ADAM15: variants seen among roughly 807,000 people sequenced by gnomAD.
ADAM15 encodes ADAM metallopeptidase domain 15.
A neutral mutation model predicts 113.8 loss-of-function variants in ADAM15; 77 were observed. The ratio of observed to expected loss-of-function variants is 0.68; its 90% CI spans 0.56 to 0.82. The LOEUF is 0.82. Among genes scored for constraint, ADAM15 ranks in the 40% least tolerant of loss-of-function variants. The probability of loss-of-function intolerance (pLI) is 0.00; values close to 1 mark genes in which losing one functional copy is unlikely to be tolerated. For synonymous variants in ADAM15, 388 were observed against 454.1 expected, an observed-to-expected ratio of 0.85 and a Z score of 1.85; for missense variants, 963 against 1,120.1, an observed-to-expected ratio of 0.86 and a Z score of 2.00.
chr1:155,056,178 C>T lies in ADAM15; in HGVS notation c.843C>T (p.Leu281=), dbSNP rs767457244. ...TCAGCCCAAACCCAGCTGTCACCCT[C>T]GAAAACTTCCTCCACTGGCGCAGGG... The part of the protein sequence containing the change: ...VEISPNPAVT[L]ENFLHWRRAH... The change falls in exon 9 of 23, where the codon CTC becomes CTT. Residue 281 remains leucine, a synonymous_variant. Transcript: ENST00000356955. This position sits in a 1 kb window ranked among gnomAD's most constrained non-coding sequence, Gnocchi z 4.0. 1.4e-5 allele frequency: 22 copies of T among 1,614,076 alleles called. No individual in the cohort carries two copies. Among genetic ancestry groups the T allele is most frequent in the East Asian group, 2.2e-5 (1 of 44,880 alleles).
At chr1:155,055,622 C>T (rs976026644) in intron 6 of ADAM15, 168 bp from the exon 7 acceptor site, 7 of 679,300 alleles carry the variant, frequency 1.0e-5, no homozygotes, top group Admixed American at 9.6e-5. Flanking sequence ...TCCTGGTCCT[C>T]CTTGGCAAGT....
Position 155,052,499 on chromosome 1 carries a change from G to A in ADAM15, c.80-172G>A, listed in dbSNP as rs779486073. 1.1e-4 allele frequency: 172 copies of A among 1,538,672 alleles called. 2 individuals are homozygous for A. The South Asian group carries it at 2.0e-3, about 18-fold the overall frequency. On this transcript the variant is annotated intron_variant, in intron 1 of 22. Coordinates refer to ENST00000356955, the MANE Select transcript of ADAM15 (RefSeq NM_207197.3). ...TGGGTGGAAAGCCATAAATTAGAGA[G>A]ACACCCTCTCCTTCCAGTATTCTTC...
In ADAM15 at chr1:155,058,901, A is replaced by T; in HGVS notation, c.1995+114A>T. On this transcript the variant is annotated intron_variant, in intron 16 of 22. Coordinates refer to ENST00000356955, the MANE Select transcript of ADAM15 (RefSeq NM_207197.3). This position sits in a 1 kb window ranked among gnomAD's most constrained non-coding sequence, Gnocchi z 4.3. ...TTTAATCCTTGCTCTACTACTTCCC[A>T]GTTGTGTGACCTCGGGCAGGTTACT... 1 of 1,359,702 alleles carries T rather than the reference A, an allele frequency of 7.4e-7. No individual in the cohort carries two copies. Among genetic ancestry groups the T allele is most frequent in the Non-Finnish European group, 9.8e-7 (1 of 1,021,168 alleles). 84.2% of individuals were successfully genotyped at this position (1,359,702 alleles called of 1,614,324 possible).
Position 155,061,035 on chromosome 1 carries a change from C to G in ADAM15, c.2277+203C>G, listed in dbSNP as rs1662511423. On this transcript the variant is annotated intron_variant, in intron 19 of 22. Coordinates refer to ENST00000356955, the MANE Select transcript of ADAM15 (RefSeq NM_207197.3). Reference sequence around the variant, plus strand: ...GAGTCCAGAAGAGTGGGGAGGGCAGCCAGCTGGAGCAGGAGCTGCTGGGCT... The same window carrying G: ...GAGTCCAGAAGAGTGGGGAGGGCAGGCAGCTGGAGCAGGAGCTGCTGGGCT... The G allele has an allele frequency of 5.0e-6, 3 of 601,674 alleles. No homozygotes were observed. The East Asian group carries it at 8.4e-5, about 17-fold the overall frequency. 37.3% of individuals were successfully genotyped at this position (601,674 alleles called of 1,614,324 possible).
In ADAM15 at chr1:155,058,306, C is replaced by T. The variant is rs1662074956; in HGVS notation, c.1782C>T (p.Ser594=). The change falls in exon 15 of 23, where the codon TCC becomes TCT. Residue 594 remains serine, a synonymous_variant. Coordinates refer to ENST00000356955, the MANE Select transcript of ADAM15 (RefSeq NM_207197.3). This position sits in a 1 kb window ranked among gnomAD's most constrained non-coding sequence, Gnocchi z 4.3. ...QTGRTQPLLG[S]IRDLLWETID... ...GTAGGACCCAGCCTCTGCTGGGCTC[C>T]ATCCGGGATCTACTCTGGGAGACAA... The T allele has an allele frequency of 6.2e-7, 1 of 1,613,978 alleles. No homozygotes were observed. Among genetic ancestry groups the T allele is most frequent in the African/African-American group, 1.3e-5 (1 of 74,930 alleles).
intron 20 of ADAM15, chr1:155,061,698 T>C: frequency 1.3e-6 from 1 of 765,712 alleles, no homozygotes; most frequent in Non-Finnish European, 2.1e-6. Context: ...ATGGCGGGAC[T>C]GCAGTCGGCC....
At chr1:155,059,488 G>A (rs1662259253) in intron 16 of ADAM15, among the ~76,000 whole-genome samples, 1 of 152,094 alleles carries the variant, frequency 6.6e-6, no homozygotes, top group Admixed American at 6.5e-5. Context: ...AATTATTCAG[G>A]CCTGCTGGTG....
At position 155,062,160 on chromosome 1, in the gene ADAM15, C is replaced by G; in HGVS notation, c.2425-85C>G. On this transcript the variant is annotated intron_variant, in intron 21 of 22. Coordinates refer to ENST00000356955, the MANE Select transcript of ADAM15 (RefSeq NM_207197.3). The surrounding 1 kb of genome is among the most constrained non-coding windows in gnomAD (Gnocchi z 7.0). ...GGTGACCGCTGGTGCTGCCCCCAAG[C>G]TGGTGTTCCCCAGCACCAGTGCGTT... 6.9e-7 allele frequency: 1 copy of G among 1,444,472 alleles called. No individual in the cohort carries two copies. Among genetic ancestry groups the G allele is most frequent in the African/African-American group, 1.4e-5 (1 of 69,654 alleles). 89.5% of individuals were successfully genotyped at this position (1,444,472 alleles called of 1,614,324 possible). A position where few individuals can be genotyped will look rare whatever the true frequency, so the allele number is the denominator to read the frequency against.
chr1:155,053,383 T>A (rs979013168), intron 2 of ADAM15, 34 bp from the exon 3 acceptor site: 2 of 1,606,558 alleles, frequency 1.2e-6, no homozygotes. Context: ...TGTGGACAGG[T>A]CTAGGGAGGT....
Position 155,058,022 on chromosome 1 carries a change from C to G in ADAM15, c.1588C>G (p.Gln530Glu), listed in dbSNP as rs1662033544. 6.2e-7 allele frequency: 1 copy of G among 1,614,012 alleles called. No homozygotes were observed. The highest frequency in any genetic ancestry group is 8.5e-7 in the Non-Finnish European group (1 of 1,180,040). ...MHGRCASYAQ[Q>E]CQSLWGPGAQ... is the part of the protein sequence containing the mutation. ...CGGGCGTTGTGCCTCCTATGCCCAG[C>G]AGTGCCAGTCACTTTGGGGACCTGG... The change falls in exon 14 of 23, where the codon CAG becomes GAG. Residue 530 changes from glutamine to glutamate, a missense_variant. Transcript: ENST00000356955. The surrounding 1 kb of genome is among the most constrained non-coding windows in gnomAD (Gnocchi z 4.3).
rs758580211 is a variant in ADAM15 at position 155,053,467 on chromosome 1, T to G, written c.237T>G (p.Ser79Arg). 92 of 1,614,014 alleles carry G rather than the reference T, an allele frequency of 5.7e-5. No homozygotes were observed. The highest frequency in any genetic ancestry group is 8.0e-5 in the African/African-American group (6 of 74,904). Residue 79 changes from serine (S) to arginine (R), a missense_variant, in exon 3 of 23, where the codon AGT (serine) becomes AGG (arginine). By Grantham distance (110) the Ser-to-Arg change is moderately radical. Coordinates refer to ENST00000356955, the MANE Select transcript of ADAM15 (RefSeq NM_207197.3). Reference sequence around the variant, plus strand: ...TCAAGTTGGAGCTGGACGGTGACAGTCATATCCTGGAGCTGCTACAGAATA... The same window carrying G: ...TCAAGTTGGAGCTGGACGGTGACAGGCATATCCTGGAGCTGCTACAGAATA... The part of the protein sequence containing the change: ...LRIKLELDGD[S>R]HILELLQNRE...
Position 155,061,993 on chromosome 1 carries a change from G to A in ADAM15, c.2424+18G>A. 6.4e-7 allele frequency: 1 copy of A among 1,563,856 alleles called. No individual in the cohort carries two copies. Among genetic ancestry groups the A allele is most frequent in the Non-Finnish European group, 8.7e-7 (1 of 1,151,890 alleles). The stretch of plus-strand genomic sequence containing the variant: ...GCCCGAAGGTAACGGTGGGGGGAGA[G>A]AAGGGCACGGCCTCTCCCCCCACCT... On this transcript the variant is annotated intron_variant, in intron 21 of 22. Transcript: ENST00000356955.
rs780512970 is a variant in ADAM15 at position 155,054,167 on chromosome 1, G to C, written c.360G>C (p.Gln120His). 4 of 1,613,958 alleles carry C rather than the reference G, an allele frequency of 2.5e-6. No homozygotes were observed. The highest frequency in any genetic ancestry group is 2.2e-5 in the East Asian group (1 of 44,890). Residue 120 changes from glutamine (Q) to histidine (H), a missense_variant, in exon 5 of 23, where the codon CAG becomes CAC. Coordinates refer to ENST00000356955, the MANE Select transcript of ADAM15 (RefSeq NM_207197.3). ...TGCTGCAGGAGAACTGCTGCTACCA[G>C]GGAAGAGTGCGGGGATATGCAGGCT... The part of the protein sequence containing the change: ...EGHTLENCCY[Q>H]GRVRGYAGSW...
Position 155,062,206 on chromosome 1 carries a change from C to A in ADAM15, c.2425-39C>A, listed in dbSNP as rs938970788. On this transcript the variant is annotated intron_variant, in intron 21 of 22. Coordinates refer to ENST00000356955, the MANE Select transcript of ADAM15 (RefSeq NM_207197.3). This position sits in a 1 kb window ranked among gnomAD's most constrained non-coding sequence, Gnocchi z 7.0. ...GCGTTGGGGGTGGGCAACATGACAC[C>A]CCCCCACCTAAGCCGGCCTCCTGCC... 6.9e-7 allele frequency: 1 copy of A among 1,445,708 alleles called. No individual in the cohort carries two copies. The highest frequency in any genetic ancestry group is 2.5e-5 in the East Asian group (1 of 39,772). The allele number at this position is 1,445,708 out of a possible 1,614,324, so 89.6% of individuals were successfully genotyped here.
In ADAM15 at chr1:155,062,652, T is replaced by G; in HGVS notation, c.*150T>G. 9.0e-7 allele frequency: 1 copy of G among 1,105,180 alleles called. No homozygotes were observed. 68.5% of individuals were successfully genotyped at this position (1,105,180 alleles called of 1,614,324 possible). Reference sequence around the variant, plus strand: ...CGCCACGCGCTGTCAAGCAACACTCTGCGGACCTGCCGGCGTAGTTGCAGC... The same window carrying G: ...CGCCACGCGCTGTCAAGCAACACTCGGCGGACCTGCCGGCGTAGTTGCAGC... On this transcript the variant is annotated 3_prime_UTR_variant, in exon 23 of 23. Coordinates refer to ENST00000356955, the MANE Select transcript of ADAM15 (RefSeq NM_207197.3). This position sits in a 1 kb window ranked among gnomAD's most constrained non-coding sequence, Gnocchi z 7.0.
At chr1:155,054,009 CCATTTTTGG>C in intron 4 of ADAM15, 21 bp downstream of exon 4, 1 of 1,613,890 alleles carries the variant, frequency 6.2e-7, no homozygotes, top group Non-Finnish European at 8.5e-7. Context: ...CCCTCTTGTG[CCATTTTTGG>C]CTTAGGGGAA....
chr1:155,060,462 T>G lies in ADAM15; in HGVS notation c.2207+119T>G, dbSNP rs745737240. On this transcript the variant is annotated intron_variant, in intron 18 of 22. Coordinates refer to ENST00000356955, the MANE Select transcript of ADAM15 (RefSeq NM_207197.3). ...CCCCAGGCCCCTTGGACCTTAAAGTTGCTGACTGCCATACCCCACACCTCC... is the reference window on the plus strand; with the variant it reads ...CCCCAGGCCCCTTGGACCTTAAAGTGGCTGACTGCCATACCCCACACCTCC... 79 of 1,404,164 alleles carry G rather than the reference T, an allele frequency of 5.6e-5. 3 individuals are homozygous for G. In the Middle Eastern group the frequency reaches 1.9e-3, roughly 33 times the overall value. The allele number at this position is 1,404,164 out of a possible 1,614,324, so 87.0% of individuals were successfully genotyped here.
In ADAM15 at chr1:155,056,975, G is replaced by A. The variant is rs766729173; in HGVS notation, c.1022G>A (p.Gly341Glu). The change falls in exon 11 of 23, where the codon GGA becomes GAA. Residue 341 changes from glycine to glutamate, a missense_variant. By Grantham distance (98) the Gly-to-Glu change is moderately conservative. Transcript: ENST00000356955. The surrounding 1 kb of genome is among the most constrained non-coding windows in gnomAD (Gnocchi z 4.0). The part of the protein sequence containing the change: ...VNMDHSTSIL[G>E]VASSIAHELG... ...CAGGACCACTCCACCAGCATCCTGG[G>A]AGTCGCCTCCTCCATAGCCCATGAG... is the stretch of plus-strand genomic sequence containing the variant. 4 of 1,574,936 alleles carry A rather than the reference G, an allele frequency of 2.5e-6. No homozygotes were observed. The highest frequency in any genetic ancestry group is 3.4e-6 in the Non-Finnish European group (4 of 1,162,314).
chr1:155,060,398 G>A (rs1452340071), intron 18 of ADAM15, 55 bp downstream of exon 18: 3 of 1,599,892 alleles, frequency 1.9e-6, no homozygotes, highest in Non-Finnish European at 2.6e-6. Context: ...AGTGCTGAAG[G>A]CTGCCTCACC....
Sources: gnomAD v4.1 joint callset for allele counts (sites outside exome capture counted in the v4.1 genomes callset) on GRCh38, gnomAD v4.1.1 for gene constraint, Gnocchi (gnomAD v3.1) non-coding constraint, MANE v1.5 for transcripts, NCBI Gene and HGNC (gene_info 2026-07-23, HGNC 2026-07-21) for gene names.